Variants in ROBO2 observed in about 807,000 individuals in gnomAD.
ROBO2 encodes the protein roundabout homolog 2.
Under a neutral mutation model 160.8 loss-of-function variants are expected in ROBO2, and 53 were observed. The observed-to-expected ratio is 0.33, with a 90% CI of 0.26 to 0.41. The LOEUF (loss-of-function observed/expected upper bound fraction) is 0.41. Ranked by LOEUF, ROBO2 falls within the 10% of genes least tolerant of loss-of-function variation. The probability of loss-of-function intolerance (pLI) is 1.00; values close to 1 mark genes in which losing one functional copy is unlikely to be tolerated. For missense variants in ROBO2, 1,577 were observed against 1,722.4 expected (o/e 0.92, Z 1.49); for synonymous variants, 664 against 611.7 (o/e 1.09, Z -1.26).
At chr3:76,629,117 G>A (rs77349027) in intron 2 of ROBO2, among the ~76,000 whole-genome samples, 2,051 of 152,222 alleles carry the variant, frequency 0.013, 46 homozygotes, top group African/African-American at 0.047. Context: ...CTGAGAAAAA[G>A]TAACTAGATT....
intron 2 of ROBO2, among the ~76,000 whole-genome samples, chr3:76,968,994 T>G (rs985534562): frequency 6.6e-6 from 1 of 152,220 alleles, no homozygotes; most frequent in Non-Finnish European, 1.5e-5. Context: ...TTTTCATTAC[T>G]TTATGTTTCC....
chr3:77,156,655 A>G (rs924650725), intron 2 of ROBO2, among the ~76,000 whole-genome samples: 5 of 151,714 alleles, frequency 3.3e-5, no homozygotes, highest in Non-Finnish European at 7.4e-5. Flanking sequence ...ATTTTACTTT[A>G]GTAAAATAGT....
At chr3:76,610,979 G>A (rs955076606) in intron 2 of ROBO2, among the ~76,000 whole-genome samples, 3 of 152,204 alleles carry the variant, frequency 2.0e-5, no homozygotes, top group Non-Finnish European at 4.4e-5. Flanking sequence ...TCTCAGCTGT[G>A]AGAGGGGACC....
chr3:77,501,298 A>AT (rs2087565355), intron 5 of ROBO2, among the ~76,000 whole-genome samples: 1 of 151,826 alleles, frequency 6.6e-6, no homozygotes, highest in South Asian at 2.1e-4. Context: ...ATTAACTCTA[A>AT]GCAAAAGGTA....
chr3:76,719,149 G>A (rs899614590), intron 2 of ROBO2, among the ~76,000 whole-genome samples: 3 of 152,052 alleles, frequency 2.0e-5, no homozygotes, highest in Non-Finnish European at 4.4e-5. Context: ...GGTTGCTAAG[G>A]TTTTGCTCCA....
At chr3:76,429,161 T>C (rs1487267108) in intron 2 of ROBO2, among the ~76,000 whole-genome samples, 2 of 151,680 alleles carry the variant, frequency 1.3e-5, no homozygotes, top group Non-Finnish European at 2.9e-5. Flanking sequence ...CACAGACCAG[T>C]GGGCGCACAC....
intron 2 of ROBO2, among the ~76,000 whole-genome samples, chr3:76,627,891 T>C (rs2089762600): frequency 6.6e-6 from 1 of 152,200 alleles, no homozygotes; most frequent in East Asian, 1.9e-4. Context: ...AATATTTTCC[T>C]ATGTATGTGA....
At chr3:77,531,711 T>C (rs1273713401) in intron 6 of ROBO2, among the ~76,000 whole-genome samples, 2 of 152,128 alleles carry the variant, frequency 1.3e-5, no homozygotes, top group Non-Finnish European at 2.9e-5. Flanking sequence ...CACAGTTTTT[T>C]AAAATAAGAA....
At chr3:77,522,558 A>C (rs1317789840) in intron 5 of ROBO2, among the ~76,000 whole-genome samples, 2 of 151,284 alleles carry the variant, frequency 1.3e-5, no homozygotes, top group Non-Finnish European at 3.0e-5. Flanking sequence ...ACATATGTGA[A>C]GTATAGGTAA....
chr3:76,593,162 C>G (rs1337970599), intron 2 of ROBO2, among the ~76,000 whole-genome samples: 1 of 152,118 alleles, frequency 6.6e-6, no homozygotes, highest in Admixed American at 6.6e-5. Flanking sequence ...AATACAGTTC[C>G]TAACTTGTTA....
chr3:76,505,484 T>A (rs1305112297), intron 2 of ROBO2, among the ~76,000 whole-genome samples: 2 of 151,918 alleles, frequency 1.3e-5, no homozygotes, highest in Admixed American at 6.6e-5. Context: ...GGAAACAGGG[T>A]TTTTGCATAT....
intron 2 of ROBO2, among the ~76,000 whole-genome samples, chr3:77,282,647 A>G (rs1451312468): frequency 1.3e-5 from 2 of 152,164 alleles, no homozygotes; most frequent in African/African-American, 2.4e-5. Flanking sequence ...AGTTTACTGT[A>G]AAATGAATGA....
intron 2 of ROBO2, among the ~76,000 whole-genome samples, chr3:76,467,616 A>G (rs1194094373): frequency 1.3e-5 from 2 of 152,110 alleles, no homozygotes; most frequent in African/African-American, 2.4e-5. Context: ...TTCCACTCCA[A>G]CAATGACCCT....
chr3:76,498,480 T>TG (rs2080274518), intron 2 of ROBO2, among the ~76,000 whole-genome samples: 1 of 151,834 alleles, frequency 6.6e-6, no homozygotes. Flanking sequence ...AATAAATAAG[T>TG]GTGAGGTAAC....
At chr3:76,200,219 G>A (rs1346532804) in intron 2 of ROBO2, among the ~76,000 whole-genome samples, 1 of 152,018 alleles carries the variant, frequency 6.6e-6, no homozygotes, top group Non-Finnish European at 1.5e-5. Flanking sequence ...GCTAAACAAA[G>A]GAAAAGGGGC....
At chr3:76,623,763 T>C (rs1032350485) in intron 2 of ROBO2, among the ~76,000 whole-genome samples, 3 of 152,182 alleles carry the variant, frequency 2.0e-5, no homozygotes, top group Non-Finnish European at 4.4e-5. Context: ...GCATTTTTAG[T>C]TTCATTATCT....
intron 2 of ROBO2, among the ~76,000 whole-genome samples, chr3:76,484,440 C>T (rs2107394123): frequency 6.6e-6 from 1 of 152,266 alleles, no homozygotes; most frequent in Middle Eastern, 3.4e-3. Context: ...ATGCTCATCC[C>T]TTAAACTCAG....
chr3:77,390,684 A>C (rs1027941758), intron 2 of ROBO2, among the ~76,000 whole-genome samples: 1 of 152,218 alleles, frequency 6.6e-6, no homozygotes, highest in African/African-American at 2.4e-5. Context: ...AACTATGATC[A>C]AAATGTAATA....
At chr3:76,989,195 A>G (rs535403310) in intron 2 of ROBO2, among the ~76,000 whole-genome samples, 1 of 152,292 alleles carries the variant, frequency 6.6e-6, no homozygotes, top group Non-Finnish European at 1.5e-5. Flanking sequence ...TAGAGTAGAC[A>G]GTAATAGGAA....
Sources: allele counts gnomAD v4.1 joint callset (sites outside exome capture counted in the v4.1 genomes callset), GRCh38; gene constraint gnomAD v4.1.1; transcripts MANE v1.5; gene names NCBI Gene and HGNC (gene_info 2026-07-23, HGNC 2026-07-21).